CCT6B: variants seen among roughly 807,000 people sequenced by gnomAD.
CCT6B encodes probable T-complex protein 1 subunit zeta-2.
CCT6B carries 49 observed loss-of-function variants against 61.5 expected under a neutral mutation model. The observed-to-expected ratio is 0.80, with a 90% confidence interval of 0.63 to 1.01. CCT6B has a LOEUF of 1.01. Among genes scored for constraint, CCT6B ranks in the 50% least tolerant of loss-of-function variants. The pLI is 0.00. For missense variants in CCT6B, 666 were observed against 634.7 expected, an observed-to-expected ratio of 1.05 and a Z score of -0.53; for synonymous variants, 228 against 214.5, an observed-to-expected ratio of 1.06 and a Z score of -0.55.
At chr17:34,949,470 AAAAG>A (rs2090265931) in intron 5 of CCT6B, 1 of 148,864 alleles carries the variant, frequency 6.7e-6, no homozygotes, top group African/African-American at 2.5e-5. Context: ...CAAAAAAAAA[AAAAG>A]AAAGGAAAGG....
At chr17:34,937,244 T>C (rs1567664629) in intron 10 of CCT6B, among the ~76,000 whole-genome samples, 1 of 152,060 alleles carries the variant, frequency 6.6e-6, no homozygotes, top group Non-Finnish European at 1.5e-5. Context: ...GGAAGTCATA[T>C]GGAAATGCCA....
chr17:34,938,057 T>TTG (rs1190374190), intron 10 of CCT6B, among the ~76,000 whole-genome samples: 41 of 151,042 alleles, frequency 2.7e-4, no homozygotes, highest in Admixed American at 1.4e-3. Context: ...GCCTGGCTAT[T>TTG]TGTGTGTGTG....
intron 10 of CCT6B, among the ~76,000 whole-genome samples, chr17:34,938,171 A>G (rs911663347): frequency 6.6e-6 from 1 of 152,148 alleles, no homozygotes; most frequent in Non-Finnish European, 1.5e-5. Context: ...ATTACAGGTG[A>G]GAGCCACTGT....
chr17:34,943,785 T>G (rs1364485564), intron 5 of CCT6B: 1 of 141,188 alleles, frequency 7.1e-6, no homozygotes, highest in East Asian at 2.0e-4. Flanking sequence ...AATAAATAAA[T>G]AAATTTAAAA....
Position 34,939,257 on chromosome 17 carries a change from T to C in CCT6B, c.1139A>G (p.Asn380Ser). The change falls in exon 10 of 14, where the codon AAT (asparagine) becomes AGT (serine). Residue 380 changes from asparagine (N) to serine (S), a missense_variant. Asn to Ser is a conservative substitution (Grantham distance 46, BLOSUM62 1). Transcript: ENST00000314144. ...CTTGACTTGTGTGAGAGTATGCTTATTTGGTCCTTTAACCAACAAGGTAAC... is the reference window on the plus strand; with the variant it reads ...CTTGACTTGTGTGAGAGTATGCTTACTTGGTCCTTTAACCAACAAGGTAAC... ...CSVTLLVKGP[N>S]KHTLTQVKDA... The C allele has an allele frequency of 1.2e-6, 2 of 1,613,864 alleles. No individual in the cohort carries two copies. The highest frequency in any genetic ancestry group is 8.5e-7 in the Non-Finnish European group (1 of 1,179,830).
intron 5 of CCT6B, among the ~76,000 whole-genome samples, chr17:34,951,599 C>G (rs148547454): frequency 1.5e-3 from 229 of 152,280 alleles, no homozygotes; most frequent in African/African-American, 5.3e-3. Flanking sequence ...GCCTCAGGAC[C>G]CTTTCAGAGG....
chr17:34,953,649 C>A (rs567600654), intron 4 of CCT6B, among the ~76,000 whole-genome samples: 2 of 152,048 alleles, frequency 1.3e-5, no homozygotes, highest in African/African-American at 4.8e-5. Flanking sequence ...TATATTCTAC[C>A]TTTAGAAATA....
chr17:34,952,224 C>G (rs2090300045), intron 4 of CCT6B, among the ~76,000 whole-genome samples, 171 bp from the exon 5 acceptor site: 1 of 152,238 alleles, frequency 6.6e-6, no homozygotes, highest in Non-Finnish European at 1.5e-5. Context: ...CCAATGCCAA[C>G]AGACACTTTA....
chr17:34,942,526 G>A lies in CCT6B; in HGVS notation c.843C>T (p.Val281=), dbSNP rs116480023. Reference sequence around the variant, plus strand: ...CAAATCCTTTATTTGACTGAGCACAGACTTTGTCCTTCAGGTCTATTATTT... The same window carrying A: ...CAAATCCTTTATTTGACTGAGCACAAACTTTGTCCTTCAGGTCTATTATTT... The part of the protein sequence containing the change: ...VQKIIDLKDK[V]CAQSNKGFVV... Residue 281 remains valine (V), a synonymous_variant, in exon 7 of 14, where the codon GTC becomes GTT. Transcript: ENST00000314144. The A allele has an allele frequency of 1.2e-6, 2 of 1,602,498 alleles. No homozygotes were observed. Among genetic ancestry groups the A allele is most frequent in the African/African-American group, 1.4e-5 (1 of 74,006 alleles).
intron 5 of CCT6B, among the ~76,000 whole-genome samples, chr17:34,946,695 T>G (rs2090228388): frequency 6.6e-6 from 1 of 152,178 alleles, no homozygotes; most frequent in African/African-American, 2.4e-5. Context: ...CTGTGGTATA[T>G]TAACACAAGA....
At position 34,961,338 on chromosome 17, in the gene CCT6B, G is replaced by C; in HGVS notation, c.56C>G (p.Ala19Gly). 6.2e-7 allele frequency: 1 copy of C among 1,612,848 alleles called. No homozygotes were observed. ...SKAEVARARA[A>G]LAVNICAARG... ...GGCGGCGCATATATTGACAGCCAAA[G>C]CTGCCCGGGCCCGCGCCACCTCAGC... Residue 19 changes from alanine to glycine, a missense_variant, in exon 1 of 14, where the codon GCT becomes GGT. Physicochemically the swap from Ala to Gly is moderately conservative, Grantham distance 60. Transcript: ENST00000314144.
chr17:34,949,419 C>T (rs373032834), intron 5 of CCT6B: 9 of 146,670 alleles, frequency 6.1e-5, no homozygotes, highest in African/African-American at 2.0e-4. Context: ...GAGATCACAC[C>T]ATTGCACTAC....
Position 34,938,769 on chromosome 17 carries a change from A to G in CCT6B, c.1213+414T>C, listed in dbSNP as rs142633773. ...AAGAAATAAATAGATTAAATAGATTAATAATAAAAATAAAATTTAAAAAGA... is the reference window on the plus strand; with the variant it reads ...AAGAAATAAATAGATTAAATAGATTGATAATAAAAATAAAATTTAAAAAGA... On this transcript the variant is annotated intron_variant, in intron 10 of 13. Coordinates refer to ENST00000314144, the MANE Select transcript of CCT6B (RefSeq NM_006584.4). 2.9e-3 allele frequency among the ~76,000 whole-genome samples: 439 copies of G among 152,184 alleles called. 3 individuals carry two copies. The highest frequency in any genetic ancestry group is 0.01 in the African/African-American group (422 of 41,544).
chr17:34,939,151 G>C, intron 10 of CCT6B, 32 bp downstream of exon 10: 1 of 1,576,676 alleles, frequency 6.3e-7, no homozygotes, highest in Non-Finnish European at 8.7e-7. Flanking sequence ...ACATATACAT[G>C]AGGTTCATAT....
intron 8 of CCT6B, among the ~76,000 whole-genome samples, chr17:34,940,059 A>G (rs1183251411): frequency 6.6e-6 from 1 of 152,216 alleles, no homozygotes; most frequent in Non-Finnish European, 1.5e-5. Context: ...AGATTTTTAA[A>G]AAGAACAATA....
chr17:34,960,220 T>C (rs1055334286), intron 1 of CCT6B, among the ~76,000 whole-genome samples: 3 of 152,268 alleles, frequency 2.0e-5, no homozygotes, highest in Non-Finnish European at 4.4e-5. Flanking sequence ...AGTCCTCCAA[T>C]GATTTTTATG....
rs188723586 is a variant in CCT6B at position 34,942,729 on chromosome 17, A to G, written c.725+67T>C. ...TAGTCTACACCAAACATCTGGAAGG[A>G]AAAAGAGATTTTAAAACACCTTTAG... On this transcript the variant is annotated intron_variant, in intron 6 of 13. Transcript: ENST00000314144. 51 of 1,495,532 alleles carry G rather than the reference A, an allele frequency of 3.4e-5. No homozygotes were observed. The East Asian group carries it at 1.1e-3, about 31-fold the overall frequency. The allele number at this position is 1,495,532 out of a possible 1,614,324, so 92.6% of individuals were successfully genotyped here.
At chr17:34,939,774 G>T in intron 8 of CCT6B, 61 bp from the exon 9 acceptor site, 2 of 1,029,784 alleles carry the variant, frequency 1.9e-6, no homozygotes, top group Admixed American at 3.4e-5. Flanking sequence ...TAATTTCTCA[G>T]AGAGAAGATA....
intron 4 of CCT6B, among the ~76,000 whole-genome samples, chr17:34,952,259 AT>A (rs1567672008): frequency 6.6e-6 from 1 of 152,234 alleles, no homozygotes; most frequent in African/African-American, 2.4e-5. Context: ...TTCAGAGATC[AT>A]TAGGTCCAAA....
Sources: allele counts gnomAD v4.1 joint callset (sites outside exome capture counted in the v4.1 genomes callset), GRCh38; gene constraint gnomAD v4.1.1; transcripts MANE v1.5; gene names NCBI Gene and HGNC (gene_info 2026-07-23, HGNC 2026-07-21).